Variants in FUBP1 observed in about 807,000 individuals in gnomAD.
FUBP1 encodes far upstream element binding protein 1.
A neutral mutation model predicts 94.9 loss-of-function variants in FUBP1; 16 were observed. That is an observed-to-expected ratio of 0.17 (90% confidence interval 0.11 to 0.26). The LOEUF is 0.26. FUBP1 is among the 10% of genes least tolerant of loss of function. The pLI is 1.00. For missense variants in FUBP1, 583 were observed against 808.6 expected, an observed-to-expected ratio of 0.72 and a Z score of 3.38; for synonymous variants, 279 against 254.9, an observed-to-expected ratio of 1.09 and a Z score of -0.90.
Position 77,970,016 on chromosome 1 carries a change from C to CA in FUBP1, c.121-2_121-1insT. The stretch of plus-strand genomic sequence containing the variant: ...CATCACCTCCAATTTTTGCTGCAAT[C>CA]TAAAAAAAAAAAAGAAAAATACCAT... On this transcript the variant is annotated splice_acceptor_variant, in intron 1 of 19. Transcript: ENST00000370768. LOFTEE classifies it high-confidence loss of function. 2 of 1,491,528 alleles carry CA rather than the reference C, an allele frequency of 1.3e-6. No individual in the cohort carries two copies. The highest frequency in any genetic ancestry group is 1.8e-6 in the Non-Finnish European group (2 of 1,089,410). 92.4% of individuals were successfully genotyped at this position (1,491,528 alleles called of 1,614,324 possible). A position where few individuals can be genotyped will look rare whatever the true frequency, so the allele number is the denominator to read the frequency against.
chr1:77,947,648 A>ATTT lies in FUBP1; in HGVS notation c.*1115_*1117dup. The ATTT allele has an allele frequency of 1.3e-6, 1 of 775,056 alleles. No individual in the cohort carries two copies. The allele number at this position is 775,056 out of a possible 1,614,324, so 48.0% of individuals were successfully genotyped here. On this transcript the variant is annotated 3_prime_UTR_variant, in exon 20 of 20. Transcript: ENST00000370768. ...AAATATGCAAAGAGTAAAACAATGG[A>ATTT]TTTCAACAAAATATCAGAACTTCAG...
intron 14 of FUBP1, among the ~76,000 whole-genome samples, chr1:77,962,334 T>C (rs180760824): frequency 3.9e-5 from 6 of 152,310 alleles, no homozygotes; most frequent in Admixed American, 3.9e-4. Flanking sequence ...CCCCAGATGA[T>C]CTGTGAGCCA....
intron 1 of FUBP1, among the ~76,000 whole-genome samples, chr1:77,978,526 A>G (rs577431895): frequency 7.3e-4 from 111 of 152,286 alleles, no homozygotes; most frequent in African/African-American, 2.5e-3. Flanking sequence ...TCTTTCCCAA[A>G]CTCATTACCA....
At chr1:77,954,701 TG>T (rs1654124273) in intron 18 of FUBP1, among the ~76,000 whole-genome samples, 2 of 152,180 alleles carry the variant, frequency 1.3e-5, no homozygotes. Flanking sequence ...CATCTAGCTG[TG>T]GTATGTAATA....
chr1:77,974,116 C>T lies in FUBP1; in HGVS notation c.121-4101G>A, dbSNP rs373341747. On this transcript the variant is annotated intron_variant, in intron 1 of 19. Coordinates refer to ENST00000370768, the MANE Select transcript of FUBP1 (RefSeq NM_003902.5). ...CTGGTACTACAGGCAAGCACCACCA[C>T]GTCTGGCTAATTTTTTGGTTTTTTT... Among the ~76,000 whole-genome samples, 135 of 150,840 alleles carry T rather than the reference C, an allele frequency of 8.9e-4. 1 individual carries two copies. The highest frequency in any genetic ancestry group is 3.0e-3 in the African/African-American group (125 of 41,070).
At chr1:77,962,691 G>T in intron 14 of FUBP1, 79 bp downstream of exon 14, 1 of 796,012 alleles carries the variant, frequency 1.3e-6, no homozygotes, top group South Asian at 2.2e-5. Context: ...ATTTTCCTTT[G>T]ATGTATTTGA....
rs1267694685 is a variant in FUBP1, at chr1:77,947,645, T to C, written c.*1121A>G. On this transcript the variant is annotated 3_prime_UTR_variant, in exon 20 of 20. Transcript: ENST00000370768. ...AACAAATATGCAAAGAGTAAAACAA[T>C]GGATTTCAACAAAATATCAGAACTT... 3 of 791,914 alleles carry C rather than the reference T, an allele frequency of 3.8e-6. No homozygotes were observed. The highest frequency in any genetic ancestry group is 5.8e-6 in the Non-Finnish European group (3 of 516,082). 49.1% of individuals were successfully genotyped at this position (791,914 alleles called of 1,614,324 possible).
intron 3 of FUBP1, 105 bp from the exon 4 acceptor site, chr1:77,967,771 C>T (rs1332978071): frequency 2.9e-6 from 2 of 701,358 alleles, no homozygotes; most frequent in Non-Finnish European, 4.8e-6. Flanking sequence ...CTCCCTAATG[C>T]ACAGACAACA....
At chr1:77,974,732 T>C (rs1658287170) in intron 1 of FUBP1, among the ~76,000 whole-genome samples, 2 of 152,236 alleles carry the variant, frequency 1.3e-5, no homozygotes, top group Non-Finnish European at 2.9e-5. Context: ...ACCGTGTATA[T>C]ATTGGATTCA....
chr1:77,962,005 A>G (rs1214234814), intron 14 of FUBP1, among the ~76,000 whole-genome samples: 1 of 152,210 alleles, frequency 6.6e-6, no homozygotes. Flanking sequence ...CCCCATTCAC[A>G]GCATGGCAAA....
rs774524852 is a variant in FUBP1 at position 77,963,604 on chromosome 1, T to C, written c.1153A>G (p.Thr385Ala). 9 of 1,594,276 alleles carry C rather than the reference T, an allele frequency of 5.6e-6. No individual in the cohort carries two copies. The highest frequency in any genetic ancestry group is 7.7e-6 in the Non-Finnish European group (9 of 1,162,056). ...GLQEFNFIVPTGKTGLIIGKG... is the reference protein window; with the variant it reads ...GLQEFNFIVPAGKTGLIIGKG... ...CCTATTATTAATCCAGTTTTCCCAG[T>C]TGGCACAATAAAATTAAATTCCTGT... The change falls in exon 13 of 20, where the codon ACT becomes GCT. Residue 385 changes from threonine (T) to alanine (A), a missense_variant. Physicochemically the swap from Thr to Ala is moderately conservative, Grantham distance 58. Coordinates refer to ENST00000370768, the MANE Select transcript of FUBP1 (RefSeq NM_003902.5).
In FUBP1 at chr1:77,967,621, C is replaced by G; in HGVS notation, c.290+6G>C. Reference sequence around the variant, plus strand: ...AGAGTACTTTTTGAAAATCTTGTGACTATACCTTTGCTGCTGATGCATCGG... The same window carrying G: ...AGAGTACTTTTTGAAAATCTTGTGAGTATACCTTTGCTGCTGATGCATCGG... On this transcript the variant is annotated splice_donor_region_variant and intron_variant, in intron 4 of 19. Coordinates refer to ENST00000370768, the MANE Select transcript of FUBP1 (RefSeq NM_003902.5). 6.3e-7 allele frequency: 1 copy of G among 1,592,346 alleles called. No homozygotes were observed. The highest frequency in any genetic ancestry group is 8.6e-7 in the Non-Finnish European group (1 of 1,164,932).
In FUBP1 at chr1:77,960,373, A is replaced by G. The variant is rs1490719799; in HGVS notation, c.1467T>C (p.Tyr489=). The change falls in exon 15 of 20, where the codon TAT becomes TAC. Residue 489 remains tyrosine, a synonymous_variant. Transcript: ENST00000370768. The part of the protein sequence containing the change: ...TPMGPYNPAP[Y]NPGPPGPAPH... ...GAGCCGGGCCTGGTGGTCCAGGATTATAAGGTGCAGGGTTGTATGGTCCCA... is the reference window on the plus strand; with the variant it reads ...GAGCCGGGCCTGGTGGTCCAGGATTGTAAGGTGCAGGGTTGTATGGTCCCA... The G allele has an allele frequency of 3.1e-6, 5 of 1,609,456 alleles. No individual in the cohort carries two copies. Among genetic ancestry groups the G allele is most frequent in the East Asian group, 4.5e-5 (2 of 44,878 alleles).
intron 1 of FUBP1, 98 bp from the exon 2 acceptor site, chr1:77,970,113 TTTAG>T (rs1657239737): frequency 1.9e-6 from 1 of 513,530 alleles, no homozygotes; most frequent in Middle Eastern, 4.5e-4. Flanking sequence ...ATGTGAAATA[TTTAG>T]TATCACATAA....
chr1:77,966,197 G>A (rs1656458807), intron 7 of FUBP1, among the ~76,000 whole-genome samples: 1 of 152,312 alleles, frequency 6.6e-6, no homozygotes, highest in South Asian at 2.1e-4. Context: ...AGGTTTAGTG[G>A]TAGGGAAAAA....
chr1:77,976,387 C>A (rs1048685492), intron 1 of FUBP1, among the ~76,000 whole-genome samples: 1 of 152,160 alleles, frequency 6.6e-6, no homozygotes, highest in Non-Finnish European at 1.5e-5. Flanking sequence ...GCAAAGACAT[C>A]AGGACAACTG....
At chr1:77,959,227 G>A (rs1299815284) in intron 16 of FUBP1, among the ~76,000 whole-genome samples, 2 of 151,948 alleles carry the variant, frequency 1.3e-5, no homozygotes. Flanking sequence ...GTAGGTAGCA[G>A]GTGAGAAAAA....
At position 77,964,330 on chromosome 1, in the gene FUBP1, G is replaced by A. The variant is rs2102395307; in HGVS notation, c.864C>T (p.Gly288=). The change falls in exon 11 of 20, where the codon GGC becomes GGT. Residue 288 remains glycine, a synonymous_variant. Coordinates refer to ENST00000370768, the MANE Select transcript of FUBP1 (RefSeq NM_003902.5). ...IDVPIPRFAV[G]IVIGRNGEMI... is the part of the protein sequence containing the mutation. ...TCTCTCCATTTCTTCCTATTACAAT[G>A]CCAACAGCAAATCTTGGAATGGGGA... is the stretch of plus-strand genomic sequence containing the variant. 6.3e-7 allele frequency: 1 copy of A among 1,599,726 alleles called. No homozygotes were observed. The highest frequency in any genetic ancestry group is 1.3e-5 in the African/African-American group (1 of 74,846).
intron 2 of FUBP1, among the ~76,000 whole-genome samples, chr1:77,968,579 C>A (rs1385095605): frequency 1.3e-5 from 2 of 151,404 alleles, no homozygotes; most frequent in Non-Finnish European, 2.9e-5. Context: ...GGGAGAAAAG[C>A]CTATCAAACT....
Sources: gnomAD v4.1 joint callset for allele counts (sites outside exome capture counted in the v4.1 genomes callset) on GRCh38, gnomAD v4.1.1 for gene constraint, MANE v1.5 for transcripts, NCBI Gene and HGNC (gene_info 2026-07-23, HGNC 2026-07-21) for gene names.